Variants in MECR observed in about 807,000 individuals in gnomAD.
MECR encodes the protein mitochondrial trans-2-enoyl-CoA reductase, also known as enoyl-[acyl-carrier-protein] reductase, mitochondrial.
In MECR, 37 loss-of-function variants were observed where a neutral mutation model predicts 49.1. That is an observed-to-expected ratio of 0.75 (90% confidence interval 0.58 to 0.99). The LOEUF is 0.99. Ranked by LOEUF, MECR falls within the 50% of genes least tolerant of loss-of-function variation. MECR has a pLI of 0.00. For synonymous variants in MECR, 198 were observed against 191.1 expected (o/e 1.04, Z -0.30); for missense variants, 470 against 479.6 (o/e 0.98, Z 0.19).
chr1:29,182,794 T>C, the MECR span, among the ~76,000 whole-genome samples: 2 of 152,254 alleles, frequency 1.3e-5, no homozygotes, highest in Non-Finnish European at 2.9e-5. Flanking sequence ...TCCGCCCGCC[T>C]TGGCCTCCCA....
chr1:29,211,329 A>G (rs2151884662), intron 3 of MECR, among the ~76,000 whole-genome samples: 1 of 152,328 alleles, frequency 6.6e-6, no homozygotes, highest in Non-Finnish European at 1.5e-5. Flanking sequence ...TTGGCCTCCC[A>G]TGCTGGGATT....
chr1:29,206,936 G>A, intron 3 of MECR, 31 bp from the exon 4 acceptor site: 2 of 1,612,882 alleles, frequency 1.2e-6, no homozygotes, highest in Non-Finnish European at 1.7e-6. Context: ...AGGATCATAA[G>A]GAAGGAGCCC....
chr1:29,226,479 T>C (rs1327281114), intron 1 of MECR, among the ~76,000 whole-genome samples: 1 of 152,164 alleles, frequency 6.6e-6, no homozygotes. Flanking sequence ...TCAAAAATCA[T>C]TTGAGACTTT....
intron 9 of MECR, among the ~76,000 whole-genome samples, chr1:29,194,566 C>G (rs909585967): frequency 3.3e-5 from 5 of 152,064 alleles, no homozygotes; most frequent in African/African-American, 1.2e-4. Context: ...AGTGGGTATG[C>G]CTGGCACGCC....
the MECR span, chr1:29,181,537 G>T: frequency 1.0e-6 from 1 of 977,168 alleles, no homozygotes. Flanking sequence ...GCCTGGCCAG[G>T]CCGGTAGCCG....
At position 29,201,792 on chromosome 1, in the gene MECR, G is replaced by A; in HGVS notation, c.756+151C>T. The A allele has an allele frequency of 1.4e-6, 1 of 720,432 alleles. No homozygotes were observed. The highest frequency in any genetic ancestry group is 1.8e-5 in the African/African-American group (1 of 56,740). 44.6% of individuals were successfully genotyped at this position (720,432 alleles called of 1,614,324 possible). ...CTTAATGCGTGCTGCCTGCCGCCTG[G>A]CTAGGGGGAATGGGCTTTAACCAAC... is the stretch of plus-strand genomic sequence containing the variant. On this transcript the variant is annotated intron_variant, in intron 6 of 9. Transcript: ENST00000263702. This position sits in a 1 kb window ranked among gnomAD's most constrained non-coding sequence, Gnocchi z 4.3.
chr1:29,210,989 G>A (rs892036027), intron 3 of MECR, among the ~76,000 whole-genome samples: 1 of 152,032 alleles, frequency 6.6e-6, no homozygotes, highest in Non-Finnish European at 1.5e-5. Context: ...TCAGTCATAT[G>A]CAACTGACCC....
chr1:29,208,095 C>T (rs961930325), intron 3 of MECR, among the ~76,000 whole-genome samples: 2 of 152,022 alleles, frequency 1.3e-5, no homozygotes, highest in South Asian at 2.1e-4. Flanking sequence ...TGGGTTCAAG[C>T]GATTCACCTG....
At chr1:29,209,967 A>G (rs765932003) in intron 3 of MECR, among the ~76,000 whole-genome samples, 23 of 151,660 alleles carry the variant, frequency 1.5e-4, no homozygotes, top group African/African-American at 2.2e-4. Flanking sequence ...GGGGATGTCA[A>G]TGTGGGCTTT....
the MECR span, among the ~76,000 whole-genome samples, chr1:29,178,301 T>G: frequency 6.6e-6 from 1 of 151,710 alleles, no homozygotes; most frequent in African/African-American, 2.4e-5. Context: ...ACTCCAGCAA[T>G]TCTTCAAAGA....
At chr1:29,172,824 C>T in the MECR span, 1 of 151,866 alleles carries the variant, frequency 6.6e-6, no homozygotes, top group Non-Finnish European at 1.5e-5. Context: ...CACATAATAC[C>T]CATCACAGGG....
At chr1:29,181,507 G>A in the MECR span, 126 of 683,630 alleles carry the variant, frequency 1.8e-4, no homozygotes, top group Non-Finnish European at 2.5e-4. Flanking sequence ...GCGCCCCCGA[G>A]GCGCCGCCAC....
chr1:29,186,236 A>T, the MECR span, among the ~76,000 whole-genome samples: 1 of 152,176 alleles, frequency 6.6e-6, no homozygotes, highest in East Asian at 1.9e-4. Context: ...TCACAGATTC[A>T]TTCCTTCTTT....
chr1:29,184,176 CTT>C, the MECR span, among the ~76,000 whole-genome samples: 112 of 109,928 alleles, frequency 1.0e-3, no homozygotes, highest in Middle Eastern at 5.9e-3. Flanking sequence ...CTGTACCCGG[CTT>C]TTTTTTTTTT....
intron 7 of MECR, among the ~76,000 whole-genome samples, chr1:29,198,226 T>G (rs1458679824): frequency 6.6e-6 from 1 of 152,214 alleles, no homozygotes; most frequent in Non-Finnish European, 1.5e-5. Flanking sequence ...CTGCGTGACC[T>G]GGTTCCTAAC....
At chr1:29,168,888 G>C in the MECR span, 1 of 152,208 alleles carries the variant, frequency 6.6e-6, no homozygotes, top group South Asian at 2.1e-4. Flanking sequence ...TGAATGGTAG[G>C]AGGGAAATGG....
In MECR at chr1:29,193,837, G is replaced by A. The variant is rs926516155; in HGVS notation, c.*185C>T. ...TCTACTTTTTGGAAGGGAGAGTTCAGACTTTATTAGATACCTTAAGGCTGG... is the reference window on the plus strand; with the variant it reads ...TCTACTTTTTGGAAGGGAGAGTTCAAACTTTATTAGATACCTTAAGGCTGG... On this transcript the variant is annotated 3_prime_UTR_variant, in exon 10 of 10. Transcript: ENST00000263702. 4 of 660,404 alleles carry A rather than the reference G, an allele frequency of 6.1e-6. No homozygotes were observed. Among genetic ancestry groups the A allele is most frequent in the Admixed American group, 5.9e-5 (2 of 33,828 alleles). The allele number at this position is 660,404 out of a possible 1,614,324, so 40.9% of individuals were successfully genotyped here.
intron 4 of MECR, among the ~76,000 whole-genome samples, chr1:29,205,172 T>TTTTTG (rs150331072): frequency 7.9e-5 from 12 of 151,482 alleles, no homozygotes; most frequent in South Asian, 4.2e-4. Context: ...CAAGGGTTAG[T>TTTTTG]TTTTGTTTTG....
the MECR span, among the ~76,000 whole-genome samples, chr1:29,183,041 G>GTTTT: frequency 6.6e-6 from 1 of 152,100 alleles, no homozygotes; most frequent in African/African-American, 2.4e-5. Flanking sequence ...TTCTTTGCTT[G>GTTTT]TTTTTGTTTT....
Sources: allele counts gnomAD v4.1 joint callset (sites outside exome capture counted in the v4.1 genomes callset), GRCh38; gene constraint gnomAD v4.1.1; non-coding constraint Gnocchi (gnomAD v3.1); transcripts MANE v1.5; gene names NCBI Gene and HGNC (gene_info 2026-07-23, HGNC 2026-07-21).